The following CTNND2 variants were observed in gnomAD, a reference collection of about 807,000 sequenced individuals.
The protein encoded by CTNND2 is catenin delta-2.
In CTNND2, 22 loss-of-function variants were observed where a neutral mutation model predicts 144.4. That is an observed-to-expected ratio of 0.15 (90% CI 0.11 to 0.22). The LOEUF (loss-of-function observed/expected upper bound fraction) is 0.22. Among genes scored for constraint, CTNND2 ranks in the 10% least tolerant of loss-of-function variants. The pLI is 1.00. For missense variants in CTNND2, 1,353 were observed against 1,618.8 expected, an observed-to-expected ratio of 0.84 and a Z score of 2.82; for synonymous variants, 751 against 695.6, an observed-to-expected ratio of 1.08 and a Z score of -1.25.
At chr5:11,347,654 G>A (rs990137096) in intron 8 of CTNND2, among the ~76,000 whole-genome samples, 3 of 152,176 alleles carry the variant, frequency 2.0e-5, no homozygotes, top group Non-Finnish European at 2.9e-5. Flanking sequence ...TTCTGGTGCT[G>A]TAGAACAGAC....
At chr5:11,282,689 T>A (rs1232809404) in intron 9 of CTNND2, among the ~76,000 whole-genome samples, 1 of 152,252 alleles carries the variant, frequency 6.6e-6, no homozygotes, top group Non-Finnish European at 1.5e-5. Flanking sequence ...CAATTAATTC[T>A]GATAAAAAGT....
At chr5:11,788,521 T>C (rs1189097373) in intron 1 of CTNND2, among the ~76,000 whole-genome samples, 2 of 152,196 alleles carry the variant, frequency 1.3e-5, no homozygotes, top group Admixed American at 6.5e-5. Context: ...ACAGCACTGA[T>C]TGAAAAAGTC....
intron 1 of CTNND2, among the ~76,000 whole-genome samples, chr5:11,766,947 T>C (rs1465413724): frequency 6.6e-6 from 1 of 152,160 alleles, no homozygotes; most frequent in Non-Finnish European, 1.5e-5. Flanking sequence ...CATACAGCTA[T>C]GGCCAGGAGT....
rs1770785325 is a variant in CTNND2 at position 11,504,144 on chromosome 5, T to A, written c.287+60800A>T. On this transcript the variant is annotated intron_variant, in intron 3 of 21. Transcript: ENST00000304623. ...ATTATTTGTAGCTTTTACATGTGAA[T>A]AAGATAACCATGAAGAGTGCAGACA... is the stretch of plus-strand genomic sequence containing the variant. 2.0e-5 allele frequency among the ~76,000 whole-genome samples: 3 copies of A among 152,190 alleles called. No homozygotes were observed. In the South Asian group the frequency reaches 6.2e-4, roughly 32 times the overall value.
intron 12 of CTNND2, among the ~76,000 whole-genome samples, chr5:11,136,067 T>C (rs1402994921): frequency 6.6e-6 from 1 of 152,166 alleles, no homozygotes; most frequent in African/African-American, 2.4e-5. Context: ...AGGGAGTCTG[T>C]TAGCCTCTTC....
At chr5:11,335,219 T>C (rs1753616542) in intron 9 of CTNND2, among the ~76,000 whole-genome samples, 1 of 152,234 alleles carries the variant, frequency 6.6e-6, no homozygotes, top group South Asian at 2.1e-4. Context: ...GTTTAAAATA[T>C]ATTTTTTACT....
At chr5:11,388,444 A>G (rs191061813) in intron 6 of CTNND2, among the ~76,000 whole-genome samples, 2 of 152,230 alleles carry the variant, frequency 1.3e-5, no homozygotes, top group Non-Finnish European at 2.9e-5. Context: ...TAATTAAGTT[A>G]AACAGCCACA....
At chr5:11,108,660 C>T (rs1042046775) in intron 14 of CTNND2, among the ~76,000 whole-genome samples, 2 of 152,106 alleles carry the variant, frequency 1.3e-5, no homozygotes, top group Non-Finnish European at 2.9e-5. Context: ...GATTTATAAG[C>T]TAAAAAGGGA....
chr5:11,776,072 C>A (rs1790238098), intron 1 of CTNND2, among the ~76,000 whole-genome samples: 1 of 152,168 alleles, frequency 6.6e-6, no homozygotes, highest in South Asian at 2.1e-4. Flanking sequence ...GGTGGCCCTT[C>A]TGACACTTGG....
chr5:11,304,388 C>T (rs189342952), intron 9 of CTNND2, among the ~76,000 whole-genome samples: 2 of 151,848 alleles, frequency 1.3e-5, no homozygotes, highest in African/African-American at 4.8e-5. Flanking sequence ...CACAGGCACA[C>T]CACACACACT....
Position 11,780,182 on chromosome 5 carries a change from C to T in CTNND2, c.38-47910G>A, listed in dbSNP as rs1465093398. 4.6e-5 allele frequency among the ~76,000 whole-genome samples: 7 copies of T among 152,296 alleles called. 1 individual carries two copies. The East Asian group carries it at 1.4e-3, about 29-fold the overall frequency. On this transcript the variant is annotated intron_variant, in intron 1 of 21. Coordinates refer to ENST00000304623, the MANE Select transcript of CTNND2 (RefSeq NM_001332.4). ...CTGACCGCCTCTGGGATCTTCAAGT[C>T]ACACACCGTGTCATCCCCTAGAGTG...
At chr5:11,423,827 C>T (rs558453737) in intron 3 of CTNND2, among the ~76,000 whole-genome samples, 172 of 152,272 alleles carry the variant, frequency 1.1e-3, no homozygotes, top group Non-Finnish European at 2.2e-3. Context: ...GCTAACACCT[C>T]TTAGACATGT....
chr5:11,119,007 C>T (rs17184251), intron 12 of CTNND2, among the ~76,000 whole-genome samples: 33,890 of 151,838 alleles, frequency 0.22, 4,201 homozygotes, highest in Middle Eastern at 0.34. Flanking sequence ...TTACTGATCA[C>T]CATTGATTTT....
chr5:11,703,327 G>A (rs922795194), intron 2 of CTNND2, among the ~76,000 whole-genome samples: 23 of 152,266 alleles, frequency 1.5e-4, no homozygotes, highest in African/African-American at 5.5e-4. Context: ...CACCATAGAG[G>A]TTTGATCTAT....
intron 3 of CTNND2, among the ~76,000 whole-genome samples, chr5:11,548,302 G>T (rs957962128): frequency 6.6e-6 from 1 of 152,066 alleles, no homozygotes; most frequent in African/African-American, 2.4e-5. Context: ...AATGAGGAGG[G>T]GGCCTAGAAG....
chr5:11,175,534 C>T (rs1249892773), intron 11 of CTNND2, among the ~76,000 whole-genome samples: 1 of 152,148 alleles, frequency 6.6e-6, no homozygotes, highest in Non-Finnish European at 1.5e-5. Flanking sequence ...CAACATCTAG[C>T]CACATCTTAA....
chr5:11,730,881 C>T (rs1787351801), intron 2 of CTNND2, among the ~76,000 whole-genome samples: 1 of 152,210 alleles, frequency 6.6e-6, no homozygotes, highest in African/African-American at 2.4e-5. Flanking sequence ...CCTAGCAAGA[C>T]TTCCAGATCA....
At position 11,464,041 on chromosome 5, in the gene CTNND2, T is replaced by C. The variant is rs61758939; in HGVS notation, c.288-51972A>G. On this transcript the variant is annotated intron_variant, in intron 3 of 21. Transcript: ENST00000304623. ...TGATGAACTAGAACCAAAATTTACT[T>C]CCAAGAGTTCATCTAAGTGATATGA... is the stretch of plus-strand genomic sequence containing the variant. Among the ~76,000 whole-genome samples, 964 of 152,276 alleles carry C rather than the reference T, an allele frequency of 6.3e-3. 36 individuals carry two copies. The highest frequency in any genetic ancestry group is 0.053 in the Admixed American group (806 of 15,284).
At position 11,579,442 on chromosome 5, in the gene CTNND2, T is replaced by C. The variant is rs144830595; in HGVS notation, c.175-14386A>G. ...GCTTATTTTCAGTCATAAAGAATAG[T>C]GTACCAGATGCTCTTGGTACACTGA... On this transcript the variant is annotated intron_variant, in intron 2 of 21. Coordinates refer to ENST00000304623, the MANE Select transcript of CTNND2 (RefSeq NM_001332.4). 2.9e-3 allele frequency among the ~76,000 whole-genome samples: 441 copies of C among 152,314 alleles called. 3 individuals carry two copies. Among genetic ancestry groups the C allele is most frequent in the African/African-American group, 9.8e-3 (407 of 41,570 alleles).
Sources: allele counts gnomAD v4.1 joint callset (sites outside exome capture counted in the v4.1 genomes callset), GRCh38; gene constraint gnomAD v4.1.1; transcripts MANE v1.5; gene names NCBI Gene and HGNC (gene_info 2026-07-23, HGNC 2026-07-21).